ECT2L: variants seen among roughly 807,000 people sequenced by gnomAD.
ECT2L encodes epithelial cell transforming 2 like.
ECT2L carries 126 observed loss-of-function variants against 122.8 expected under a neutral mutation model. The ratio of observed to expected loss-of-function variants is 1.03; its 90% CI spans 0.89 to 1.19. ECT2L has a LOEUF of 1.19. Among genes scored for constraint, ECT2L ranks in the 50% most tolerant of loss-of-function variants. The pLI, the probability that ECT2L is intolerant of heterozygous loss-of-function variation, is 0.00. For missense variants in ECT2L, 1,012 were observed against 1,064.1 expected (o/e 0.95, Z 0.68); for synonymous variants, 385 against 381.8 (o/e 1.01, Z -0.10).
chr6:138,891,958 T>C (rs1779045342), intron 20 of ECT2L, among the ~76,000 whole-genome samples: 1 of 152,244 alleles, frequency 6.6e-6, no homozygotes, highest in Non-Finnish European at 1.5e-5. Context: ...TTGTGTTCTC[T>C]GAGCTTCCTG....
At chr6:138,801,668 T>A (rs1775546784) in intron 1 of ECT2L, among the ~76,000 whole-genome samples, 1 of 152,062 alleles carries the variant, frequency 6.6e-6, no homozygotes, top group Non-Finnish European at 1.5e-5. Flanking sequence ...GGCAGGGGAA[T>A]TGCTTGAACC....
intron 6 of ECT2L, 28 bp from the exon 7 acceptor site, chr6:138,844,384 G>A (rs957606770): frequency 2.2e-5 from 36 of 1,608,700 alleles, no homozygotes; most frequent in Non-Finnish European, 3.1e-5. Flanking sequence ...GAAGTAATCA[G>A]CCCCGCCTGC....
At chr6:138,872,354 C>G (rs1778286703) in intron 13 of ECT2L, among the ~76,000 whole-genome samples, 1 of 152,218 alleles carries the variant, frequency 6.6e-6, no homozygotes, top group Non-Finnish European at 1.5e-5. Context: ...TGGGACTAGA[C>G]AGCAAAGTAA....
intron 13 of ECT2L, among the ~76,000 whole-genome samples, chr6:138,873,845 A>G (rs1186713155): frequency 6.7e-6 from 1 of 148,288 alleles, no homozygotes; most frequent in Non-Finnish European, 1.5e-5. Context: ...AGGCTTGTGT[A>G]ATACGGATTA....
intron 1 of ECT2L, among the ~76,000 whole-genome samples, chr6:138,799,830 T>C (rs575782314): frequency 6.6e-6 from 1 of 152,314 alleles, no homozygotes; most frequent in South Asian, 2.1e-4. Flanking sequence ...GGATTACAAG[T>C]GTGAGCCACT....
chr6:138,833,298 A>AT lies in ECT2L; in HGVS notation c.180-5053dup, dbSNP rs539989466. On this transcript the variant is annotated intron_variant, in intron 4 of 21. Coordinates refer to ENST00000541398, the MANE Select transcript of ECT2L (RefSeq NM_001077706.3). ...AGATTTTATAGATATGCCATAACTTATCTCAGACATTTAACTTGTTTCCCC... is the reference window on the plus strand; with the variant it reads ...AGATTTTATAGATATGCCATAACTTATTCTCAGACATTTAACTTGTTTCCCC... Among the ~76,000 whole-genome samples, 31 of 152,370 alleles carry AT rather than the reference A, an allele frequency of 2.0e-4. No homozygotes were observed. The East Asian group carries it at 5.6e-3, about 27-fold the overall frequency.
chr6:138,868,105 C>A lies in ECT2L; in HGVS notation c.1477C>A (p.Gln493Lys), dbSNP rs1778116373. The A allele has an allele frequency of 1.2e-6, 2 of 1,603,092 alleles. No individual in the cohort carries two copies. The highest frequency in any genetic ancestry group is 2.3e-5 in the South Asian group (2 of 88,698). ...GGCATGTGGCCTTGTATTTACAGGG[C>A]AGTTTATGTTTGACACCATGGGTAT... is the stretch of plus-strand genomic sequence containing the variant. The part of the protein sequence containing the change: ...QKSISGRMIG[Q>K]FMFDTMGMTN... Residue 493 changes from glutamine (Q) to lysine (K), a missense_variant and splice_region_variant, in exon 13 of 22, where the codon CAG (glutamine) becomes AAG (lysine). Coordinates refer to ENST00000541398, the MANE Select transcript of ECT2L (RefSeq NM_001077706.3).
At position 138,900,902 on chromosome 6, in the gene ECT2L, C is replaced by T. The variant is rs772005611; in HGVS notation, c.2415-46C>T. On this transcript the variant is annotated intron_variant, in intron 20 of 21. Transcript: ENST00000541398. ...CAAGATGCTTAACTATGTAACAAAG[C>T]ATGTATGTTATGTATTAAAACTGTA... 3.2e-6 allele frequency: 5 copies of T among 1,569,962 alleles called. No homozygotes were observed. The South Asian group carries it at 5.9e-5, about 18-fold the overall frequency.
intron 20 of ECT2L, among the ~76,000 whole-genome samples, chr6:138,890,987 A>G (rs935670409): frequency 1.3e-5 from 2 of 152,130 alleles, no homozygotes; most frequent in Non-Finnish European, 2.9e-5. Flanking sequence ...AGGCCTCCCA[A>G]TCGACTGAAT....
chr6:138,880,271 C>CTA (rs1778598348), intron 14 of ECT2L, among the ~76,000 whole-genome samples: 1 of 152,158 alleles, frequency 6.6e-6, no homozygotes, highest in South Asian at 2.1e-4. Flanking sequence ...GATCAAGATG[C>CTA]TAACATCTGT....
At chr6:138,816,512 T>A (rs1410889390) in intron 4 of ECT2L, among the ~76,000 whole-genome samples, 1 of 151,720 alleles carries the variant, frequency 6.6e-6, no homozygotes, top group African/African-American at 2.4e-5. Flanking sequence ...TGAGATGGAG[T>A]CTTGCTCTGT....
At chr6:138,901,331 T>C (rs1013841497) in intron 21 of ECT2L, among the ~76,000 whole-genome samples, 4 of 152,200 alleles carry the variant, frequency 2.6e-5, no homozygotes, top group South Asian at 2.1e-4. Flanking sequence ...ACATGAACCT[T>C]AGACATTAGG....
At chr6:138,866,784 T>C (rs952250549) in intron 12 of ECT2L, among the ~76,000 whole-genome samples, 1 of 152,192 alleles carries the variant, frequency 6.6e-6, no homozygotes, top group African/African-American at 2.4e-5. Context: ...AATATTTATA[T>C]ATTTGAAGCC....
chr6:138,850,994 CAAAAAAAAAAAAAA>C (rs34453938), intron 9 of ECT2L, among the ~76,000 whole-genome samples: 17 of 57,770 alleles, frequency 2.9e-4, no homozygotes, highest in African/African-American at 7.7e-4. Flanking sequence ...AACTCCATCT[CAAAAAAAAAAAAAA>C]AAAAAAAAAA....
At position 138,858,697 on chromosome 6, in the gene ECT2L, C is replaced by CT. The variant is rs35946003; in HGVS notation, c.1199-3903dup. ...TTAGTTTTCATCTTCTAGAATTTTC[C>CT]TTTTTTTTTTTTTTTTTTTTTTTTT... is the stretch of plus-strand genomic sequence containing the variant. On this transcript the variant is annotated intron_variant, in intron 10 of 21. Transcript: ENST00000541398. Among the ~76,000 whole-genome samples the CT allele has an allele frequency of 5.1e-3, 302 of 59,352 alleles. 19 individuals carry two copies. Among genetic ancestry groups the CT allele is most frequent in the East Asian group, 0.014 (27 of 1,890 alleles). 38.9% of individuals were successfully genotyped at this position (59,352 alleles called of 152,430 possible). A position where few individuals can be genotyped will look rare whatever the true frequency, so the allele number is the denominator to read the frequency against.
At chr6:138,850,182 C>A (rs978061587) in intron 9 of ECT2L, among the ~76,000 whole-genome samples, 3 of 152,020 alleles carry the variant, frequency 2.0e-5, no homozygotes, top group African/African-American at 7.2e-5. Context: ...CTCTTGTCGC[C>A]CAGGCTGGAG....
intron 20 of ECT2L, among the ~76,000 whole-genome samples, chr6:138,898,143 CCA>C (rs770653187): frequency 1.3e-4 from 20 of 152,314 alleles, no homozygotes; most frequent in Non-Finnish European, 2.2e-4. Flanking sequence ...TGGCTACTCA[CCA>C]CAGACTGCCC....
At chr6:138,890,669 A>G (rs1211376007) in intron 20 of ECT2L, among the ~76,000 whole-genome samples, 2 of 151,772 alleles carry the variant, frequency 1.3e-5, no homozygotes, top group East Asian at 3.9e-4. Flanking sequence ...ATTCCTTCTC[A>G]AACACTCTTC....
intron 8 of ECT2L, among the ~76,000 whole-genome samples, chr6:138,847,143 G>A (rs866468280): frequency 6.6e-6 from 1 of 151,152 alleles, no homozygotes; most frequent in African/African-American, 2.4e-5. Context: ...GGTGGTGTGT[G>A]CCTGTAGTCC....
Sources: allele counts gnomAD v4.1 joint callset (sites outside exome capture counted in the v4.1 genomes callset), GRCh38; gene constraint gnomAD v4.1.1; transcripts MANE v1.5; gene names NCBI Gene and HGNC (gene_info 2026-07-23, HGNC 2026-07-21).